Variants in PTPRB observed in about 807,000 individuals in gnomAD.
PTPRB encodes receptor-type tyrosine-protein phosphatase beta.
Under a neutral mutation model 238.1 loss-of-function variants are expected in PTPRB, and 97 were observed. The ratio of observed to expected loss-of-function variants is 0.41; its 90% CI spans 0.35 to 0.48. The LOEUF (loss-of-function observed/expected upper bound fraction) is 0.48. PTPRB is among the 20% of genes least tolerant of loss of function. The pLI is 0.30. For missense variants in PTPRB, 2,292 were observed against 2,681.9 expected (o/e 0.85, Z 3.21); for synonymous variants, 970 against 995.4 (o/e 0.97, Z 0.48).
intron 20 of PTPRB, 63 bp downstream of exon 20, chr12:70,555,097 C>T (rs1877454131): frequency 6.5e-7 from 1 of 1,534,844 alleles, no homozygotes; most frequent in East Asian, 2.3e-5. Context: ...AGAAAGATCT[C>T]CCACATGACC....
rs1478651025 is a variant in PTPRB at position 70,590,307 on chromosome 12, C to G, written c.1781-74G>C. 3 of 1,426,788 alleles carry G rather than the reference C, an allele frequency of 2.1e-6. No individual in the cohort carries two copies. In the African/African-American group the frequency reaches 4.3e-5, roughly 20 times the overall value. 88.4% of individuals were successfully genotyped at this position (1,426,788 alleles called of 1,614,324 possible). ...AGGATACTCATTTACTTTTCTTGGG[C>G]AGCAGTAGATAGGAGACACAATATC... On this transcript the variant is annotated intron_variant, in intron 7 of 33. Transcript: ENST00000334414.
chr12:70,538,159 A>G lies in PTPRB; in HGVS notation c.5942T>C (p.Ile1981Thr). ...PCSDYINASY[I>T]PGNNFRREYI... ...ATGGCCTAGTGGGTCACTTACAGGGATGTAGCTGGCATTGATGTAGTCAGA... is the reference window on the plus strand; with the variant it reads ...ATGGCCTAGTGGGTCACTTACAGGGGTGTAGCTGGCATTGATGTAGTCAGA... Residue 1981 changes from isoleucine to threonine, a missense_variant, in exon 28 of 34, where the codon ATC becomes ACC. Physicochemically the swap from Ile to Thr is moderately conservative, Grantham distance 89. Transcript: ENST00000334414. 6.2e-7 allele frequency: 1 copy of G among 1,613,140 alleles called. No homozygotes were observed. The highest frequency in any genetic ancestry group is 8.5e-7 in the Non-Finnish European group (1 of 1,179,350).
intron 2 of PTPRB, among the ~76,000 whole-genome samples, chr12:70,623,476 A>G (rs963728526): frequency 6.6e-6 from 1 of 152,192 alleles, no homozygotes; most frequent in Non-Finnish European, 1.5e-5. Flanking sequence ...AGCCTTTTTA[A>G]CAAGCTCTCA....
At chr12:70,632,199 CTAGAT>C in intron 2 of PTPRB, among the ~76,000 whole-genome samples, 1 of 152,142 alleles carries the variant, frequency 6.6e-6, no homozygotes, top group Non-Finnish European at 1.5e-5. Context: ...CAATGGTAGA[CTAGAT>C]TAAGAAAATG....
intron 2 of PTPRB, among the ~76,000 whole-genome samples, chr12:70,634,526 G>A (rs1165956748): frequency 6.6e-6 from 1 of 152,122 alleles, no homozygotes; most frequent in African/African-American, 2.4e-5. Flanking sequence ...GTGTGCCGTG[G>A]TGCTTTGTTG....
At position 70,539,920 on chromosome 12, in the gene PTPRB, AG is replaced by A. The variant is rs764423711; in HGVS notation, c.5678+18del. ...TACCATCTTTCAACAAATTATACGAAGGCAAATGTGGTGCTTACCCTTTCTG... is the reference window on the plus strand; with the variant it reads ...TACCATCTTTCAACAAATTATACGAAGCAAATGTGGTGCTTACCCTTTCTG... On this transcript the variant is annotated intron_variant, in intron 24 of 33. Coordinates refer to ENST00000334414, the MANE Select transcript of PTPRB (RefSeq NM_001109754.4). The A allele has an allele frequency of 5.0e-6, 8 of 1,594,340 alleles. No homozygotes were observed. Among genetic ancestry groups the A allele is most frequent in the African/African-American group, 4.0e-5 (3 of 74,444 alleles).
At chr12:70,561,995 C>T (rs1437773534) in intron 16 of PTPRB, among the ~76,000 whole-genome samples, 6 of 152,184 alleles carry the variant, frequency 3.9e-5, no homozygotes, top group Non-Finnish European at 5.9e-5. Context: ...GTGGGCTGAC[C>T]GTGGTGGCTC....
In PTPRB at chr12:70,628,903, T is replaced by C. The variant is rs548209901; in HGVS notation, c.452-6257A>G. On this transcript the variant is annotated intron_variant, in intron 2 of 33. Transcript: ENST00000334414. ...GATTGCTTGGTGAGTTTAAAAATTA[T>C]ACTTGGATTGCACAGAAGACAAAAG... Among the ~76,000 whole-genome samples, 3 of 152,240 alleles carry C rather than the reference T, an allele frequency of 2.0e-5. No individual in the cohort carries two copies. The South Asian group carries it at 6.2e-4, about 32-fold the overall frequency.
Position 70,587,081 on chromosome 12 carries a change from C to T in PTPRB, c.2237G>A (p.Gly746Glu). The T allele has an allele frequency of 6.2e-7, 1 of 1,613,796 alleles. No individual in the cohort carries two copies. The highest frequency in any genetic ancestry group is 8.5e-7 in the Non-Finnish European group (1 of 1,179,728). ...KEFTFTDLVP[G>E]RKYMATVTSI... is the part of the protein sequence containing the mutation. ...GGTGACTGTAGCCATGTATTTTCGT[C>T]CAGGCACCAGGTCAGTAAAAGTGAA... is the stretch of plus-strand genomic sequence containing the variant. The change falls in exon 9 of 34, where the codon GGA becomes GAA. Residue 746 changes from glycine to glutamate, a missense_variant. Physicochemically the swap from Gly to Glu is moderately conservative, Grantham distance 98. Coordinates refer to ENST00000334414, the MANE Select transcript of PTPRB (RefSeq NM_001109754.4).
intron 11 of PTPRB, 150 bp downstream of exon 11, chr12:70,576,232 T>G: frequency 1.2e-6 from 1 of 805,470 alleles, no homozygotes; most frequent in South Asian, 1.9e-5. Flanking sequence ...ACATAAGGAG[T>G]TTCTTGGGTT....
At chr12:70,597,066 C>T (rs909361142) in intron 4 of PTPRB, among the ~76,000 whole-genome samples, 4 of 151,924 alleles carry the variant, frequency 2.6e-5, no homozygotes, top group Non-Finnish European at 4.4e-5. Flanking sequence ...TACAGGCACA[C>T]GCCACTGTGT....
intron 11 of PTPRB, among the ~76,000 whole-genome samples, chr12:70,572,456 TC>T (rs1880176811): frequency 6.6e-6 from 1 of 151,200 alleles, no homozygotes; most frequent in Non-Finnish European, 1.5e-5. Flanking sequence ...ATATAAGCAA[TC>T]CCCCAACCCG....
In PTPRB at chr12:70,520,154, G is replaced by T. The variant is rs2136187610; in HGVS notation, c.*1335C>A. 1 of 450,900 alleles carries T rather than the reference G, an allele frequency of 2.2e-6. No homozygotes were observed. The highest frequency in any genetic ancestry group is 4.4e-6 in the Non-Finnish European group (1 of 225,588). 27.9% of individuals were successfully genotyped at this position (450,900 alleles called of 1,614,324 possible). ...AAACATCTCCAGCTCATCTTCTCAG[G>T]TATCTATGAAGATTCCGTACAAACT... On this transcript the variant is annotated 3_prime_UTR_variant, in exon 34 of 34. Transcript: ENST00000334414.
intron 3 of PTPRB, among the ~76,000 whole-genome samples, chr12:70,620,726 T>G (rs1884891631): frequency 6.6e-6 from 1 of 152,174 alleles, no homozygotes; most frequent in African/African-American, 2.4e-5. Flanking sequence ...TGGATGGAAC[T>G]GGAGGCCATT....
In PTPRB at chr12:70,637,387, A is replaced by G; in HGVS notation, c.9T>C (p.Ala3=). The part of the protein sequence containing the change: ME[A]EFYMVILTCL... Reference sequence around the variant, plus strand: ...AGGTAAGAATCACCATGTAAAATTCAGCCTCCATTTTCCACTTAGCAACTG... The same window carrying G: ...AGGTAAGAATCACCATGTAAAATTCGGCCTCCATTTTCCACTTAGCAACTG... Residue 3 remains alanine, a synonymous_variant, in exon 1 of 34, where the codon GCT becomes GCC. Transcript: ENST00000334414. 6.2e-7 allele frequency: 1 copy of G among 1,608,296 alleles called. No individual in the cohort carries two copies. Among genetic ancestry groups the G allele is most frequent in the African/African-American group, 1.3e-5 (1 of 74,964 alleles).
intron 32 of PTPRB, among the ~76,000 whole-genome samples, chr12:70,527,278 C>T (rs1339664542): frequency 6.6e-6 from 1 of 152,158 alleles, no homozygotes; most frequent in Admixed American, 6.5e-5. Flanking sequence ...AGCCATTAGG[C>T]TCACTTTGAG....
chr12:70,563,396 C>A (rs903163767), intron 15 of PTPRB, among the ~76,000 whole-genome samples: 1 of 152,156 alleles, frequency 6.6e-6, no homozygotes. Context: ...TCTTAAGATG[C>A]CAGTAGAAAC....
At chr12:70,588,798 C>T (rs1482260785) in intron 8 of PTPRB, among the ~76,000 whole-genome samples, 2 of 151,338 alleles carry the variant, frequency 1.3e-5, no homozygotes, top group African/African-American at 4.9e-5. Context: ...ACTAAAAGAA[C>T]AAAAATTAGC....
chr12:70,563,658 A>G (rs893398398), intron 15 of PTPRB, among the ~76,000 whole-genome samples: 1 of 152,150 alleles, frequency 6.6e-6, no homozygotes, highest in African/African-American at 2.4e-5. Context: ...TCTGAGCTCA[A>G]ATCCATATTT....
Sources: allele counts gnomAD v4.1 joint callset (sites outside exome capture counted in the v4.1 genomes callset), GRCh38; gene constraint gnomAD v4.1.1; transcripts MANE v1.5; gene names NCBI Gene and HGNC (gene_info 2026-07-23, HGNC 2026-07-21).